The following EYS variants were observed in gnomAD, a reference collection of about 807,000 sequenced individuals.
EYS encodes EGF-like photoreceptor maintenance factor.
Under a neutral mutation model 282.1 loss-of-function variants are expected in EYS, and 250 were observed. The observed-to-expected ratio is 0.89, with a 90% CI of 0.80 to 0.98. The LOEUF is 0.98. Ranked by LOEUF, EYS falls within the 50% of genes least tolerant of loss-of-function variation. The probability of loss-of-function intolerance (pLI) is 0.00; values close to 1 mark genes in which losing one functional copy is unlikely to be tolerated. For missense variants in EYS, 4,016 were observed against 3,709.0 expected (o/e 1.08, Z -2.15); for synonymous variants, 1,355 against 1,282.9 (o/e 1.06, Z -1.20).
intron 1 of EYS, among the ~76,000 whole-genome samples, chr6:65,668,386 T>C (rs9360141): frequency 0.05 from 7,582 of 151,922 alleles, 446 homozygotes; most frequent in East Asian, 0.33. Flanking sequence ...TATTGGGTCT[T>C]GGCTAACTGT....
intron 13 of EYS, among the ~76,000 whole-genome samples, chr6:65,026,936 A>C (rs932311061): frequency 4.0e-5 from 6 of 151,082 alleles, no homozygotes; most frequent in African/African-American, 1.5e-4. Flanking sequence ...AAAAAGATTC[A>C]GATATCTCTG....
chr6:65,489,250 G>GA (rs1378437235), intron 5 of EYS: 1 of 152,138 alleles, frequency 6.6e-6, no homozygotes, highest in African/African-American at 2.4e-5. Context: ...TTAATAACCA[G>GA]AATCTACAAA....
chr6:63,847,435 C>G (rs1314339866), intron 36 of EYS, among the ~76,000 whole-genome samples: 1 of 152,066 alleles, frequency 6.6e-6, no homozygotes, highest in Non-Finnish European at 1.5e-5. Flanking sequence ...CCTTGCCATC[C>G]CCTCTGTTTG....
chr6:64,815,753 G>A (rs1364484935), intron 21 of EYS, among the ~76,000 whole-genome samples: 1 of 152,044 alleles, frequency 6.6e-6, no homozygotes, highest in Non-Finnish European at 1.5e-5. Context: ...GAGGAATCCT[G>A]CAGACCAGGG....
intron 29 of EYS, among the ~76,000 whole-genome samples, chr6:64,314,631 C>T (rs1355352591): frequency 1.3e-5 from 2 of 152,132 alleles, no homozygotes; most frequent in Admixed American, 6.6e-5. Context: ...AAGAAACACA[C>T]TCAAAACTGC....
At chr6:64,026,767 G>T (rs1769535815) in intron 33 of EYS, among the ~76,000 whole-genome samples, 1 of 152,062 alleles carries the variant, frequency 6.6e-6, no homozygotes, top group Non-Finnish European at 1.5e-5. Context: ...AATAAGCAAA[G>T]AAATCTCCAA....
intron 21 of EYS, chr6:64,815,280 T>C (rs1764714908): frequency 4.9e-6 from 2 of 410,652 alleles, no homozygotes; most frequent in Admixed American, 6.4e-5. Flanking sequence ...CCTGTAGGTA[T>C]TGCAGTTTTA....
At chr6:64,050,154 C>T (rs1335123370) in intron 33 of EYS, among the ~76,000 whole-genome samples, 1 of 152,136 alleles carries the variant, frequency 6.6e-6, no homozygotes. Context: ...TATTTATGTT[C>T]ATATCCACAT....
intron 33 of EYS, among the ~76,000 whole-genome samples, chr6:64,044,169 C>T (rs185084071): frequency 2.7e-3 from 418 of 152,260 alleles, no homozygotes; most frequent in Middle Eastern, 0.017. Context: ...AATTTACTTC[C>T]TTTTTAAAAC....
chr6:64,886,842 T>C lies in EYS; in HGVS notation c.2847A>G (p.Arg949=). 2 of 1,514,200 alleles carry C rather than the reference T, an allele frequency of 1.3e-6. No homozygotes were observed. The highest frequency in any genetic ancestry group is 2.2e-5 in the Admixed American group (1 of 44,948). The allele number at this position is 1,514,200 out of a possible 1,614,324, so 93.8% of individuals were successfully genotyped here. The part of the protein sequence containing the change: ...NNGTCVDLTN[R]FFCNCEPEYH... ...ACTCAGGTTCACAATTACAAAAAAA[T>C]CTGGAGAAAAGTGGAGAAATGAGGA... The change falls in exon 19 of 43, where the codon AGA becomes AGG. Residue 949 remains arginine (R), a splice_region_variant and synonymous_variant. Transcript: ENST00000503581.
intron 12 of EYS, among the ~76,000 whole-genome samples, chr6:65,132,702 T>A (rs545531970): frequency 1.3e-5 from 2 of 152,116 alleles, no homozygotes; most frequent in East Asian, 3.9e-4. Flanking sequence ...GTATTGGAAG[T>A]CCTAGCTAGG....
intron 26 of EYS, among the ~76,000 whole-genome samples, chr6:64,472,904 G>A (rs1364449826): frequency 6.6e-6 from 1 of 152,058 alleles, no homozygotes; most frequent in African/African-American, 2.4e-5. Context: ...AAAACACTTT[G>A]TTATCCCATG....
chr6:64,295,789 G>T (rs540345262), intron 30 of EYS, among the ~76,000 whole-genome samples: 37 of 151,558 alleles, frequency 2.4e-4, no homozygotes, highest in Non-Finnish European at 3.8e-4. Context: ...AGCATTTGTT[G>T]CCAATGTTAC....
At chr6:64,736,512 T>A (rs1425617779) in intron 22 of EYS, among the ~76,000 whole-genome samples, 2 of 152,186 alleles carry the variant, frequency 1.3e-5, no homozygotes, top group African/African-American at 4.8e-5. Flanking sequence ...TACTTTAAAG[T>A]ATTTTTGCTA....
At chr6:64,251,298 TA>T (rs1767207523) in intron 30 of EYS, among the ~76,000 whole-genome samples, 1 of 152,204 alleles carries the variant, frequency 6.6e-6, no homozygotes, top group African/African-American at 2.4e-5. Flanking sequence ...GCATAATCTT[TA>T]TGTACTGAAC....
At position 64,591,053 on chromosome 6, in the gene EYS, A is replaced by G. The variant is rs772171057; in HGVS notation, c.4814T>C (p.Ile1605Thr). 5 of 1,551,226 alleles carry G rather than the reference A, an allele frequency of 3.2e-6. No individual in the cohort carries two copies. In the African/African-American group the frequency reaches 5.5e-5, roughly 17 times the overall value. ...AGAAGAAAATGAATGCCCAGAAGTG[A>G]TAGTTTGAGCTCCCATTAGTGCATA... ...SWYALMGAQT[I>T]TSGHSFSSAT... The change falls in exon 26 of 43, where the codon ATC (isoleucine) becomes ACC (threonine). Residue 1605 changes from isoleucine (I) to threonine (T), a missense_variant. Physicochemically the swap from Ile to Thr is moderately conservative, Grantham distance 89. Transcript: ENST00000503581.
intron 8 of EYS, among the ~76,000 whole-genome samples, chr6:65,355,775 G>A (rs537770447): frequency 6.6e-6 from 1 of 152,144 alleles, no homozygotes; most frequent in Non-Finnish European, 1.5e-5. Flanking sequence ...AAACCATAAT[G>A]AGACATCATC....
intron 33 of EYS, among the ~76,000 whole-genome samples, chr6:64,061,987 C>A (rs567596359): frequency 6.6e-6 from 1 of 151,788 alleles, no homozygotes; most frequent in East Asian, 1.9e-4. Context: ...AAGTTTTTAG[C>A]CATCATGCTA....
At chr6:65,704,041 G>T (rs1769780249) in intron 1 of EYS, among the ~76,000 whole-genome samples, 1 of 152,030 alleles carries the variant, frequency 6.6e-6, no homozygotes, top group African/African-American at 2.4e-5. Context: ...ATTAGGCAGA[G>T]TCTTCAAGCA....
Sources: allele counts gnomAD v4.1 joint callset (sites outside exome capture counted in the v4.1 genomes callset), GRCh38; gene constraint gnomAD v4.1.1; transcripts MANE v1.5; gene names NCBI Gene and HGNC (gene_info 2026-07-23, HGNC 2026-07-21).